AJAP1: variants seen among roughly 807,000 people sequenced by gnomAD.
AJAP1 encodes the protein adherens junctions associated protein 1, also known as adherens junction-associated protein 1.
A neutral mutation model predicts 35.0 loss-of-function variants in AJAP1; 5 were observed. The observed-to-expected ratio is 0.14, with a 90% confidence interval of 0.07 to 0.30. The LOEUF is 0.30. Among genes scored for constraint, AJAP1 ranks in the 10% least tolerant of loss-of-function variants. AJAP1 has a pLI of 1.00. For missense variants in AJAP1, 586 were observed against 571.0 expected (o/e 1.03, Z -0.27); for synonymous variants, 284 against 249.3 (o/e 1.14, Z -1.31).
At chr1:4,781,394 C>T (rs1177656946) in intron 5 of AJAP1, among the ~76,000 whole-genome samples, 1 of 152,202 alleles carries the variant, frequency 6.6e-6, no homozygotes, top group African/African-American at 2.4e-5. Flanking sequence ...GACCCTGATT[C>T]CAGGTCTCCA....
At chr1:4,764,387 G>A (rs1401906287) in intron 2 of AJAP1, among the ~76,000 whole-genome samples, 3 of 152,142 alleles carry the variant, frequency 2.0e-5, no homozygotes. Flanking sequence ...TGACTCAGAC[G>A]AAGCCTAATC....
chr1:4,756,378 G>C (rs748813131), intron 2 of AJAP1, among the ~76,000 whole-genome samples: 1 of 152,186 alleles, frequency 6.6e-6, no homozygotes, highest in Admixed American at 6.5e-5. Context: ...CAGGTGTGCG[G>C]TAGTCTCATG....
rs985840178 is a variant in AJAP1 at position 4,783,103 on chromosome 1, A to C, written c.*618A>C. The C allele has an allele frequency of 1.4e-5, 5 of 345,640 alleles. No homozygotes were observed. The highest frequency in any genetic ancestry group is 1.0e-4 in the African/African-American group (5 of 47,690). The allele number at this position is 345,640 out of a possible 1,614,324, so 21.4% of individuals were successfully genotyped here. The stretch of plus-strand genomic sequence containing the variant: ...AGATCTTAAATGTTCCTTTTTAAAA[A>C]AAAGAATTGTGTTATAGGTTACAAA... On this transcript the variant is annotated 3_prime_UTR_variant, in exon 6 of 6. Coordinates refer to ENST00000378191, the MANE Select transcript of AJAP1 (RefSeq NM_018836.4).
intron 2 of AJAP1, among the ~76,000 whole-genome samples, chr1:4,736,396 G>A (rs1445987471): frequency 1.3e-5 from 2 of 152,154 alleles, no homozygotes; most frequent in African/African-American, 4.8e-5. Context: ...TCTTGGCTCT[G>A]CCAGTCACAT....
At chr1:4,706,834 A>G (rs893496279) in intron 1 of AJAP1, among the ~76,000 whole-genome samples, 37 of 152,352 alleles carry the variant, frequency 2.4e-4, no homozygotes, top group South Asian at 2.1e-3. Context: ...GTTCTTCGGG[A>G]AAAAAGATTT....
At position 4,685,690 on chromosome 1, in the gene AJAP1, A is replaced by G. The variant is rs191933295; in HGVS notation, c.30-26210A>G. The stretch of plus-strand genomic sequence containing the variant: ...CGAAGGAGAGGCAAGCTCCACAAAG[A>G]AGGCTCCTTGGCGCCATGTTAGGGT... On this transcript the variant is annotated intron_variant, in intron 1 of 5. Transcript: ENST00000378191. Among the ~76,000 whole-genome samples the G allele has an allele frequency of 2.5e-3, 380 of 152,290 alleles. 3 individuals carry two copies. The highest frequency in any genetic ancestry group is 5.1e-3 in the Admixed American group (78 of 15,310).
chr1:4,729,289 C>T (rs1570165162), intron 2 of AJAP1, among the ~76,000 whole-genome samples: 2 of 152,054 alleles, frequency 1.3e-5, no homozygotes, highest in East Asian at 1.9e-4. Flanking sequence ...GCCCGAGTCT[C>T]GAGGGCGTCA....
At chr1:4,779,873 G>T (rs546352937) in intron 5 of AJAP1, among the ~76,000 whole-genome samples, 1 of 151,986 alleles carries the variant, frequency 6.6e-6, no homozygotes, top group Non-Finnish European at 1.5e-5. Flanking sequence ...GGCCAGGCAC[G>T]GTGGCTCACA....
chr1:4,654,681 C>T lies in AJAP1; in HGVS notation c.-745C>T, dbSNP rs1638830355. 1.4e-5 allele frequency: 2 copies of T among 146,392 alleles called. No individual in the cohort carries two copies. Among genetic ancestry groups the T allele is most frequent in the African/African-American group, 2.5e-5 (1 of 40,750 alleles). 9.1% of individuals were successfully genotyped at this position (146,392 alleles called of 1,614,324 possible). On this transcript the variant is annotated 5_prime_UTR_variant, in exon 1 of 6. Transcript: ENST00000378191. The surrounding 1 kb of genome is among the most constrained non-coding windows in gnomAD (Gnocchi z 5.1). The stretch of plus-strand genomic sequence containing the variant: ...GGCGCGGTGGGCGCGGGCGGCGGGG[C>T]CCCGGGATCCCCGCGCGCCTCCTCC...
At chr1:4,730,527 G>A (rs1007231313) in intron 2 of AJAP1, among the ~76,000 whole-genome samples, 4 of 152,310 alleles carry the variant, frequency 2.6e-5, no homozygotes, top group South Asian at 2.1e-4. Context: ...AAGCTGTTGC[G>A]TGTGTGATTG....
intron 1 of AJAP1, among the ~76,000 whole-genome samples, chr1:4,694,952 G>T (rs780586758): frequency 6.6e-6 from 1 of 152,186 alleles, no homozygotes; most frequent in Non-Finnish European, 1.5e-5. Flanking sequence ...CTGGAGGAGG[G>T]TCGGAGAAGG....
intron 1 of AJAP1, among the ~76,000 whole-genome samples, chr1:4,702,919 G>A (rs991039626): frequency 6.6e-6 from 1 of 152,182 alleles, no homozygotes; most frequent in Non-Finnish European, 1.5e-5. Flanking sequence ...AAGCTCTGGG[G>A]GAGGAGAGTA....
Position 4,782,643 on chromosome 1 carries a change from A to G in AJAP1, c.*158A>G. 1.8e-5 allele frequency: 7 copies of G among 398,140 alleles called. No homozygotes were observed. The highest frequency in any genetic ancestry group is 3.1e-5 in the Non-Finnish European group (7 of 226,026). 24.7% of individuals were successfully genotyped at this position (398,140 alleles called of 1,614,324 possible). A position where few individuals can be genotyped will look rare whatever the true frequency, so the allele number is the denominator to read the frequency against. On this transcript the variant is annotated 3_prime_UTR_variant, in exon 6 of 6. Coordinates refer to ENST00000378191, the MANE Select transcript of AJAP1 (RefSeq NM_018836.4). This position sits in a 1 kb window ranked among gnomAD's most constrained non-coding sequence, Gnocchi z 5.3. ...TCTAAGGGGGAGGGTCCCCGCACCT[A>G]CCACTTCTGTTTGCCGGTGGGAAAC... is the stretch of plus-strand genomic sequence containing the variant.
chr1:4,779,728 G>T (rs913902267), intron 5 of AJAP1, among the ~76,000 whole-genome samples: 8 of 152,106 alleles, frequency 5.3e-5, no homozygotes, highest in Admixed American at 2.0e-4. Flanking sequence ...GCTTACAACC[G>T]GTGACAGTCC....
At chr1:4,739,144 A>G (rs1640998622) in intron 2 of AJAP1, among the ~76,000 whole-genome samples, 3 of 152,180 alleles carry the variant, frequency 2.0e-5, no homozygotes, top group African/African-American at 7.2e-5. Flanking sequence ...GTCCCACTCA[A>G]ACACATGTGG....
intron 1 of AJAP1, among the ~76,000 whole-genome samples, chr1:4,689,732 C>T (rs894875672): frequency 5.9e-5 from 9 of 152,214 alleles, no homozygotes; most frequent in Non-Finnish European, 1.0e-4. Context: ...AGCGTGAACC[C>T]GCTTTCAAGC....
chr1:4,657,894 C>T (rs1018748078), intron 1 of AJAP1, among the ~76,000 whole-genome samples: 1 of 152,034 alleles, frequency 6.6e-6, no homozygotes, highest in East Asian at 1.9e-4. Context: ...TTTGCGGTGG[C>T]ATTTAATAGT....
chr1:4,655,465 C>A lies in AJAP1; in HGVS notation c.29+11C>A. On this transcript the variant is annotated intron_variant, in intron 1 of 5. Coordinates refer to ENST00000378191, the MANE Select transcript of AJAP1 (RefSeq NM_018836.4). The surrounding 1 kb of genome is among the most constrained non-coding windows in gnomAD (Gnocchi z 6.9). Reference sequence around the variant, plus strand: ...GCTTTTAGGACTCAGGTGAGCGACCCGGCCGGCGCCGGGTGCGTGTGGGCG... The same window carrying A: ...GCTTTTAGGACTCAGGTGAGCGACCAGGCCGGCGCCGGGTGCGTGTGGGCG... 2 of 1,565,590 alleles carry A rather than the reference C, an allele frequency of 1.3e-6. No homozygotes were observed. The highest frequency in any genetic ancestry group is 1.7e-6 in the Non-Finnish European group (2 of 1,155,528).
chr1:4,733,666 C>T lies in AJAP1; in HGVS notation c.829+20967C>T, dbSNP rs922293294. Among the ~76,000 whole-genome samples the T allele has an allele frequency of 3.3e-5, 5 of 151,946 alleles. No homozygotes were observed. In the South Asian group the frequency reaches 6.3e-4, roughly 19 times the overall value. On this transcript the variant is annotated intron_variant, in intron 2 of 5. Transcript: ENST00000378191. ...CTGCTCCGAGCGCGGGAAATCCCAGCGGGCCGGCCTTGGGAGGATTCGGTT... is the reference window on the plus strand; with the variant it reads ...CTGCTCCGAGCGCGGGAAATCCCAGTGGGCCGGCCTTGGGAGGATTCGGTT...
Sources: allele counts gnomAD v4.1 joint callset (sites outside exome capture counted in the v4.1 genomes callset), GRCh38; gene constraint gnomAD v4.1.1; non-coding constraint Gnocchi (gnomAD v3.1); transcripts MANE v1.5; gene names NCBI Gene and HGNC (gene_info 2026-07-23, HGNC 2026-07-21).